VSIR: variants seen among roughly 807,000 people sequenced by gnomAD.
VSIR encodes the protein V-set immunoregulatory receptor.
Under a neutral mutation model 31.0 loss-of-function variants are expected in VSIR, and 10 were observed. The ratio of observed to expected loss-of-function variants is 0.32; its 90% confidence interval spans 0.20 to 0.55. The LOEUF (loss-of-function observed/expected upper bound fraction) is 0.55. Ranked by LOEUF, VSIR falls within the 20% of genes least tolerant of loss-of-function variation. VSIR has a pLI of 0.93. For missense variants in VSIR, 356 were observed against 416.2 expected, an observed-to-expected ratio of 0.86 and a Z score of 1.26; for synonymous variants, 179 against 180.1, an observed-to-expected ratio of 0.99 and a Z score of 0.05.
In VSIR at chr10:71,755,437, C is replaced by A; in HGVS notation, c.598G>T (p.Ala200Ser). The A allele has an allele frequency of 6.2e-7, 1 of 1,612,996 alleles. No homozygotes were observed. ...NITAAALATG[A>S]CIVGILCLPL... Reference sequence around the variant, plus strand: ...AGGCAGAGGATTCCTACGATGCAGGCACCCGTAGCCAGGGCTGCAGCCGTG... The same window carrying A: ...AGGCAGAGGATTCCTACGATGCAGGAACCCGTAGCCAGGGCTGCAGCCGTG... The change falls in exon 4 of 7, where the codon GCC becomes TCC. Residue 200 changes from alanine to serine, a missense_variant. By Grantham distance (99) the Ala-to-Ser change is moderately conservative. Coordinates refer to ENST00000394957, the MANE Select transcript of VSIR (RefSeq NM_022153.2).
intron 5 of VSIR, chr10:71,752,063 A>G: frequency 1.4e-6 from 1 of 706,230 alleles, no homozygotes. Flanking sequence ...TCCTGAGCTG[A>G]GGGCATCAGG....
In VSIR at chr10:71,761,782, G is replaced by A. The variant is rs774766684; in HGVS notation, c.327C>T (p.Thr109=). The part of the protein sequence containing the change: ...LHHGGHQAAN[T]SHDLAQRHGL... ...CGTGGCGCTGAGCCAGGTCGTGGCTGGTGTTGGCAGCCTGGTGGCCTCCAT... is the reference window on the plus strand; with the variant it reads ...CGTGGCGCTGAGCCAGGTCGTGGCTAGTGTTGGCAGCCTGGTGGCCTCCAT... Residue 109 remains threonine (T), a synonymous_variant, in exon 2 of 7, where the codon ACC becomes ACT. Coordinates refer to ENST00000394957, the MANE Select transcript of VSIR (RefSeq NM_022153.2). 5 of 1,614,056 alleles carry A rather than the reference G, an allele frequency of 3.1e-6. No individual in the cohort carries two copies. In the African/African-American group the frequency reaches 4.0e-5, roughly 13 times the overall value.
At position 71,750,640 on chromosome 10, in the gene VSIR, G is replaced by C. The variant is rs560714686; in HGVS notation, c.*613C>G. On this transcript the variant is annotated 3_prime_UTR_variant, in exon 7 of 7. Coordinates refer to ENST00000394957, the MANE Select transcript of VSIR (RefSeq NM_022153.2). Reference sequence around the variant, plus strand: ...CCAAGCTCTGGGGACTGGAATGCAGGCAGTGGAAGCCCCAGATTGACTTAA... The same window carrying C: ...CCAAGCTCTGGGGACTGGAATGCAGCCAGTGGAAGCCCCAGATTGACTTAA... The C allele has an allele frequency of 6.6e-6, 1 of 152,452 alleles. No homozygotes were observed. Among genetic ancestry groups the C allele is most frequent in the African/African-American group, 2.4e-5 (1 of 41,484 alleles). The allele number at this position is 152,452 out of a possible 1,614,324, so 9.4% of individuals were successfully genotyped here. A position where few individuals can be genotyped will look rare whatever the true frequency, so the allele number is the denominator to read the frequency against.
At chr10:71,773,074 TGGGCAGG>T (rs1484421992) in intron 1 of VSIR, among the ~76,000 whole-genome samples, 1 of 150,714 alleles carries the variant, frequency 6.6e-6, no homozygotes, top group Non-Finnish European at 1.5e-5. Flanking sequence ...CTGGGTTCTC[TGGGCAGG>T]GAAGGGCTGG....
At position 71,761,951 on chromosome 10, in the gene VSIR, G is replaced by A. The variant is rs1396397345; in HGVS notation, c.158C>T (p.Thr53Ile). 7 of 1,613,974 alleles carry A rather than the reference G, an allele frequency of 4.3e-6. No homozygotes were observed. The highest frequency in any genetic ancestry group is 1.1e-5 in the South Asian group (1 of 91,084). ...GTCCACAGGGCCCAAGAGCCTGCAG[G>A]TGAGGGTGACGTTCTGCCCCTCGGG... ...VCPEGQNVTL[T>I]CRLLGPVDKG... is the part of the protein sequence containing the mutation. Residue 53 changes from threonine (T) to isoleucine (I), a missense_variant, in exon 2 of 7, where the codon ACC becomes ATC. Thr to Ile is a moderately conservative substitution (Grantham distance 89, BLOSUM62 -1). This residue lies in a region of VSIR where 166 missense variants were observed against 231.0 expected (regional missense o/e 0.72). Coordinates refer to ENST00000394957, the MANE Select transcript of VSIR (RefSeq NM_022153.2).
chr10:71,772,114 C>G (rs1840699583), intron 1 of VSIR, among the ~76,000 whole-genome samples: 1 of 152,200 alleles, frequency 6.6e-6, no homozygotes, highest in Admixed American at 6.5e-5. Context: ...CTCTGACTGT[C>G]ACCTTGAGAA....
chr10:71,751,282 G>C lies in VSIR; in HGVS notation c.907C>G (p.Pro303Ala), dbSNP rs144472269. The C allele has an allele frequency of 4.3e-6, 7 of 1,610,224 alleles. No individual in the cohort carries two copies. The highest frequency in any genetic ancestry group is 5.1e-6 in the Non-Finnish European group (6 of 1,177,978). Residue 303 changes from proline (P) to alanine (A), a missense_variant, in exon 7 of 7, where the codon CCT becomes GCT. By Grantham distance (27) the Pro-to-Ala change is conservative. Around this residue, in one of 2 missense-constraint regions of VSIR, gnomAD observed 190 missense variants for 185.2 expected, o/e 1.03. Coordinates refer to ENST00000394957, the MANE Select transcript of VSIR (RefSeq NM_022153.2). This position sits in a 1 kb window ranked among gnomAD's most constrained non-coding sequence, Gnocchi z 4.9. ...DVFFPSLDPV[P>A]DSPNFEVI ...ATGACCTCAAAGTTTGGAGAGTCAGGGACAGGGTCTGCAAGAAAAGGAGAA... is the reference window on the plus strand; with the variant it reads ...ATGACCTCAAAGTTTGGAGAGTCAGCGACAGGGTCTGCAAGAAAAGGAGAA...
intron 5 of VSIR, among the ~76,000 whole-genome samples, 175 bp downstream of exon 5, chr10:71,752,800 G>A (rs1379751673): frequency 6.6e-6 from 1 of 152,162 alleles, no homozygotes; most frequent in Admixed American, 6.5e-5. Flanking sequence ...CTGCTGAGTC[G>A]GGGTGGCAGG....
intron 2 of VSIR, 54 bp from the exon 3 acceptor site, chr10:71,760,978 G>A (rs1488666274): frequency 3.2e-6 from 5 of 1,578,332 alleles, no homozygotes; most frequent in African/African-American, 1.3e-5. Flanking sequence ...AGGAGGCCAG[G>A]GAGGCTTGTC....
At chr10:71,752,903 A>G (rs371916552) in intron 5 of VSIR, 72 bp downstream of exon 5, 88 of 1,553,722 alleles carry the variant, frequency 5.7e-5, no homozygotes, top group Middle Eastern at 1.7e-4. Flanking sequence ...CAGGGCCCCT[A>G]CTGCACAGAA....
chr10:71,765,046 C>G (rs956225133), intron 1 of VSIR, among the ~76,000 whole-genome samples: 9 of 152,346 alleles, frequency 5.9e-5, no homozygotes, highest in African/African-American at 1.9e-4. Context: ...AACTATGGCT[C>G]TGCCGGGAAA....
chr10:71,751,958 T>C lies in VSIR; in HGVS notation c.705-97A>G. On this transcript the variant is annotated intron_variant, in intron 5 of 6. Coordinates refer to ENST00000394957, the MANE Select transcript of VSIR (RefSeq NM_022153.2). The surrounding 1 kb of genome is among the most constrained non-coding windows in gnomAD (Gnocchi z 4.9). ...TTTTCTCTCCTCCCTTTCTCTCACC[T>C]ACATCCCCATCCCCAAGCCTCAGCA... 1.6e-6 allele frequency: 2 copies of C among 1,256,616 alleles called. No individual in the cohort carries two copies. Among genetic ancestry groups the C allele is most frequent in the Non-Finnish European group, 2.2e-6 (2 of 891,344 alleles). 77.8% of individuals were successfully genotyped at this position (1,256,616 alleles called of 1,614,324 possible).
intron 1 of VSIR, among the ~76,000 whole-genome samples, chr10:71,771,990 G>C (rs926890044): frequency 6.6e-6 from 1 of 152,230 alleles, no homozygotes; most frequent in African/African-American, 2.4e-5. Flanking sequence ...TGACAGGTGG[G>C]ATGCTGGCTT....
chr10:71,762,683 G>A (rs1840426229), intron 1 of VSIR, among the ~76,000 whole-genome samples: 1 of 152,256 alleles, frequency 6.6e-6, no homozygotes, highest in African/African-American at 2.4e-5. Context: ...TCCTGAAGGA[G>A]GGAGAGTCTT....
Position 71,750,782 on chromosome 10 carries a change from C to A in VSIR, c.*471G>T. 1 of 155,238 alleles carries A rather than the reference C, an allele frequency of 6.4e-6. No individual in the cohort carries two copies. The highest frequency in any genetic ancestry group is 1.4e-5 in the Non-Finnish European group (1 of 69,928). 9.6% of individuals were successfully genotyped at this position (155,238 alleles called of 1,614,324 possible). On this transcript the variant is annotated 3_prime_UTR_variant, in exon 7 of 7. Coordinates refer to ENST00000394957, the MANE Select transcript of VSIR (RefSeq NM_022153.2). ...ACTGTGGTACAAAGAGGAAGTCTGACAGAAGAGCAGCCTCGGGCAAAACGG... is the reference window on the plus strand; with the variant it reads ...ACTGTGGTACAAAGAGGAAGTCTGAAAGAAGAGCAGCCTCGGGCAAAACGG...
chr10:71,760,038 C>CACACAT (rs1564779706), intron 3 of VSIR, among the ~76,000 whole-genome samples: 1 of 23,030 alleles, frequency 4.3e-5, no homozygotes, highest in Non-Finnish European at 1.7e-4. Flanking sequence ...CACACACACA[C>CACACAT]ATATATACAC....
intron 5 of VSIR, among the ~76,000 whole-genome samples, chr10:71,752,423 G>A (rs946626864): frequency 4.6e-5 from 7 of 152,262 alleles, no homozygotes; most frequent in South Asian, 2.1e-4. Flanking sequence ...TGCAGGTACC[G>A]GGGCAGGAAC....
chr10:71,762,824 C>T (rs1469700860), intron 1 of VSIR, among the ~76,000 whole-genome samples: 2 of 152,220 alleles, frequency 1.3e-5, no homozygotes, highest in East Asian at 1.9e-4. Context: ...CATCCATGCA[C>T]GTCCTTCCAG....
In VSIR at chr10:71,751,390, G is replaced by A; in HGVS notation, c.899-100C>T. 3 of 610,554 alleles carry A rather than the reference G, an allele frequency of 4.9e-6. No individual in the cohort carries two copies. The South Asian group carries it at 6.1e-5, about 12-fold the overall frequency. The allele number at this position is 610,554 out of a possible 1,614,324, so 37.8% of individuals were successfully genotyped here. On this transcript the variant is annotated intron_variant, in intron 6 of 6. Coordinates refer to ENST00000394957, the MANE Select transcript of VSIR (RefSeq NM_022153.2). The surrounding 1 kb of genome is among the most constrained non-coding windows in gnomAD (Gnocchi z 4.9). Reference sequence around the variant, plus strand: ...GAACTCTTCAGGGAGGTGAATGGGGGCCCCTCTGTCCCTCACCCTCAACCC... The same window carrying A: ...GAACTCTTCAGGGAGGTGAATGGGGACCCCTCTGTCCCTCACCCTCAACCC...
Sources: gnomAD v4.1 joint callset for allele counts (sites outside exome capture counted in the v4.1 genomes callset) on GRCh38, gnomAD v4.1.1 for gene constraint, gnomAD v4.1.1 regional missense constraint, Gnocchi (gnomAD v3.1) non-coding constraint, MANE v1.5 for transcripts, NCBI Gene and HGNC (gene_info 2026-07-23, HGNC 2026-07-21) for gene names.